AFG2A: variants seen among roughly 807,000 people sequenced by gnomAD.
AFG2A encodes ATPase family gene 2 protein homolog A.
chr4:123,223,879 T>A, the AFG2A span, among the ~76,000 whole-genome samples: 1 of 152,256 alleles, frequency 6.6e-6, no homozygotes, highest in Non-Finnish European at 1.5e-5. Flanking sequence ...GCTTTTTCAC[T>A]CTGTCGATTG....
chr4:123,056,381 A>T, the AFG2A span: 1 of 1,610,292 alleles, frequency 6.2e-7, no homozygotes, highest in Non-Finnish European at 8.5e-7. Context: ...TTTTCTTTTC[A>T]TGCAGGGGCC....
At chr4:123,152,793 C>G in the AFG2A span, among the ~76,000 whole-genome samples, 1 of 152,180 alleles carries the variant, frequency 6.6e-6, no homozygotes, top group African/African-American at 2.4e-5. Context: ...CACACAAAAA[C>G]CTGCATACAA....
At chr4:123,106,942 C>T in the AFG2A span, among the ~76,000 whole-genome samples, 1 of 152,242 alleles carries the variant, frequency 6.6e-6, no homozygotes, top group African/African-American at 2.4e-5. Context: ...ACACAAGCTG[C>T]TGCATGGGGT....
the AFG2A span, among the ~76,000 whole-genome samples, chr4:123,208,910 A>C: frequency 1.3e-5 from 2 of 152,176 alleles, no homozygotes; most frequent in Admixed American, 1.3e-4. Flanking sequence ...TATGCTGATG[A>C]GTTGACTAGT....
At chr4:123,002,304 A>C in the AFG2A span, among the ~76,000 whole-genome samples, 1 of 151,942 alleles carries the variant, frequency 6.6e-6, no homozygotes, top group Non-Finnish European at 1.5e-5. Flanking sequence ...GTCCATTTAC[A>C]TTTAAAGTTA....
the AFG2A span, among the ~76,000 whole-genome samples, chr4:122,971,921 ATGTTT>A: frequency 2.0e-5 from 3 of 152,038 alleles, no homozygotes; most frequent in Admixed American, 1.3e-4. Flanking sequence ...CTTTTGGCTG[ATGTTT>A]TGTTTAAGAT....
the AFG2A span, among the ~76,000 whole-genome samples, chr4:123,049,589 A>G: frequency 1.3e-5 from 2 of 151,926 alleles, no homozygotes; most frequent in African/African-American, 2.4e-5. Flanking sequence ...AATTTATTCA[A>G]TTCTTTTAGA....
At chr4:123,112,253 G>A in the AFG2A span, among the ~76,000 whole-genome samples, 3 of 152,050 alleles carry the variant, frequency 2.0e-5, no homozygotes, top group African/African-American at 4.8e-5. Context: ...TTCTATAATT[G>A]TCAAAAAGAA....
the AFG2A span, among the ~76,000 whole-genome samples, chr4:123,128,432 T>C: frequency 6.6e-6 from 1 of 152,174 alleles, no homozygotes; most frequent in South Asian, 2.1e-4. Context: ...AGTCAGGCTT[T>C]TGGTAATTCT....
At chr4:122,948,325 CT>C in the AFG2A span, among the ~76,000 whole-genome samples, 1 of 150,430 alleles carries the variant, frequency 6.6e-6, no homozygotes, top group Non-Finnish European at 1.5e-5. Context: ...CTTAGGGGTC[CT>C]GGAACAAATA....
the AFG2A span, among the ~76,000 whole-genome samples, chr4:123,158,643 C>T: frequency 6.6e-6 from 1 of 152,020 alleles, no homozygotes; most frequent in Non-Finnish European, 1.5e-5. Flanking sequence ...TATAAACATA[C>T]TTATTATTGC....
At chr4:122,923,159 A>C in the AFG2A span, 1 of 1,614,230 alleles carries the variant, frequency 6.2e-7, no homozygotes, top group Non-Finnish European at 8.5e-7. Context: ...TCCAAGAAGA[A>C]TAGAAAGCGG....
chr4:123,149,130 C>T, the AFG2A span, among the ~76,000 whole-genome samples: 2 of 152,212 alleles, frequency 1.3e-5, no homozygotes, highest in East Asian at 3.9e-4. Flanking sequence ...ACAGAGATGG[C>T]ACTTATACTT....
chr4:123,186,882 G>T, the AFG2A span, among the ~76,000 whole-genome samples: 2 of 152,106 alleles, frequency 1.3e-5, no homozygotes, highest in African/African-American at 4.8e-5. Context: ...TGGAGAGGGG[G>T]ACAGCTTTGT....
chr4:123,043,961 G>T, the AFG2A span, among the ~76,000 whole-genome samples: 2 of 152,196 alleles, frequency 1.3e-5, no homozygotes, highest in Admixed American at 1.3e-4. Context: ...CTGTTGCCAT[G>T]ACCTTTGCTC....
chr4:123,275,184 A>G, the AFG2A span, among the ~76,000 whole-genome samples: 32 of 152,196 alleles, frequency 2.1e-4, no homozygotes, highest in Middle Eastern at 3.4e-3. Flanking sequence ...AAAACATACC[A>G]TTTCTTTCCT....
At chr4:123,039,360 AT>A in the AFG2A span, among the ~76,000 whole-genome samples, 2 of 152,024 alleles carry the variant, frequency 1.3e-5, no homozygotes, top group African/African-American at 2.4e-5. Flanking sequence ...TTCCTTTCTG[AT>A]TATTGTCAGG....
chr4:123,038,969 CT>C, the AFG2A span, among the ~76,000 whole-genome samples: 1 of 151,872 alleles, frequency 6.6e-6, no homozygotes, highest in East Asian at 1.9e-4. Flanking sequence ...GAATGTTTAC[CT>C]GTATGTTGGA....
At chr4:123,286,315 T>C in the AFG2A span, among the ~76,000 whole-genome samples, 1 of 152,236 alleles carries the variant, frequency 6.6e-6, no homozygotes. Context: ...GTCTTTAAAT[T>C]TTAAATTTTA....
Sources: gnomAD v4.1 joint callset for allele counts (sites outside exome capture counted in the v4.1 genomes callset) on GRCh38, gnomAD v4.1.1 for gene constraint, MANE v1.5 for transcripts, NCBI Gene and HGNC (gene_info 2026-07-23, HGNC 2026-07-21) for gene names.